The following MOSMO variants were observed in gnomAD, a reference collection of about 807,000 sequenced individuals.
MOSMO encodes modulator of smoothened.
A neutral mutation model predicts 18.4 loss-of-function variants in MOSMO; 5 were observed. The ratio of observed to expected loss-of-function variants is 0.27; its 90% CI spans 0.14 to 0.57. The LOEUF (loss-of-function observed/expected upper bound fraction) is 0.57. MOSMO is among the 20% of genes least tolerant of loss of function. The pLI is 0.92. For missense variants in MOSMO, 138 were observed against 211.8 expected (o/e 0.65, Z 2.16); for synonymous variants, 82 against 82.3 (o/e 1.00, Z 0.02).
chr16:22,055,347 C>T (rs1406763627), intron 1 of MOSMO, among the ~76,000 whole-genome samples: 1 of 152,142 alleles, frequency 6.6e-6, no homozygotes, highest in Non-Finnish European at 1.5e-5. Flanking sequence ...ACATCCACAC[C>T]ACTGTTTCCT....
At chr16:22,036,353 T>TG (rs1416440633) in intron 1 of MOSMO, among the ~76,000 whole-genome samples, 1 of 152,142 alleles carries the variant, frequency 6.6e-6, no homozygotes, top group Non-Finnish European at 1.5e-5. Flanking sequence ...CACAAACTCC[T>TG]GGGCTCAGGA....
At chr16:22,031,286 A>G (rs1481778795) in intron 1 of MOSMO, among the ~76,000 whole-genome samples, 1 of 152,232 alleles carries the variant, frequency 6.6e-6, no homozygotes, top group African/African-American at 2.4e-5. Context: ...GAGGCATCAG[A>G]TGACTCTGGA....
At chr16:22,068,195 AGT>A (rs1281459955) in intron 1 of MOSMO, among the ~76,000 whole-genome samples, 2 of 152,348 alleles carry the variant, frequency 1.3e-5, no homozygotes, top group African/African-American at 2.4e-5. Context: ...TAATTATAAA[AGT>A]GTGTTAGGCT....
intron 1 of MOSMO, among the ~76,000 whole-genome samples, chr16:22,019,059 A>G (rs1899699972): frequency 6.6e-6 from 1 of 152,186 alleles, no homozygotes; most frequent in Non-Finnish European, 1.5e-5. Context: ...GCTGTTATTT[A>G]GACAGCCTCA....
chr16:22,058,245 G>A (rs1900573685), intron 1 of MOSMO, among the ~76,000 whole-genome samples: 2 of 152,010 alleles, frequency 1.3e-5, no homozygotes, highest in South Asian at 4.2e-4. Context: ...AGCCAACATG[G>A]TGAAACCCCA....
chr16:22,009,061 T>C (rs913180188), intron 1 of MOSMO, among the ~76,000 whole-genome samples: 29 of 152,130 alleles, frequency 1.9e-4, no homozygotes, highest in Admixed American at 5.2e-4. Flanking sequence ...TTGGAGCCCC[T>C]CTGCACCGCC....
At position 22,075,689 on chromosome 16, in the gene MOSMO, A is replaced by G; in HGVS notation, c.309A>G (p.Ala103=). ...REATKYARWI[A]FTGMILFCMA... ...CTACAAAATATGCTCGATGGATAGC[A>G]TTCACTGGAAGTAAGTAACCTGTGC... The change falls in exon 2 of 3, where the codon GCA becomes GCG. Residue 103 remains alanine (A), a synonymous_variant. Coordinates refer to ENST00000542527, the MANE Select transcript of MOSMO (RefSeq NM_001164579.2). The G allele has an allele frequency of 2.6e-6, 4 of 1,537,024 alleles. No homozygotes were observed. Among genetic ancestry groups the G allele is most frequent in the Non-Finnish European group, 3.5e-6 (4 of 1,146,764 alleles).
rs1303463359 is a variant in MOSMO, at chr16:22,075,692, C to T, written c.312C>T (p.Phe104=). 1 of 1,536,650 alleles carries T rather than the reference C, an allele frequency of 6.5e-7. No individual in the cohort carries two copies. Among genetic ancestry groups the T allele is most frequent in the Admixed American group, 2.0e-5 (1 of 50,976 alleles). Residue 104 remains phenylalanine (F), a synonymous_variant, in exon 2 of 3, where the codon TTC becomes TTT. Transcript: ENST00000542527. ...CAAAATATGCTCGATGGATAGCATT[C>T]ACTGGAAGTAAGTAACCTGTGCTTA... ...EATKYARWIA[F]TGMILFCMAA...
Position 22,058,976 on chromosome 16 carries a change from T to C in MOSMO, c.107-16511T>C, listed in dbSNP as rs149636157. Among the ~76,000 whole-genome samples, 1,209 of 152,342 alleles carry C rather than the reference T, an allele frequency of 7.9e-3. 9 individuals are homozygous for C. The highest frequency in any genetic ancestry group is 0.012 in the Non-Finnish European group (805 of 68,026). On this transcript the variant is annotated intron_variant, in intron 1 of 2. Transcript: ENST00000542527. ...CTTTGGTGACGTTCTGTATAATTTT[T>C]ATTCTGAACAGACTTTGGTTTTATA... is the stretch of plus-strand genomic sequence containing the variant.
chr16:22,053,962 A>T (rs911297328), intron 1 of MOSMO, among the ~76,000 whole-genome samples: 3 of 152,192 alleles, frequency 2.0e-5, no homozygotes, highest in African/African-American at 7.2e-5. Context: ...AGTTTTAAAA[A>T]TGTGTGTATA....
Position 22,083,170 on chromosome 16 carries a change from C to G in MOSMO, c.*2290C>G, listed in dbSNP as rs1168054727. 6.6e-6 allele frequency: 1 copy of G among 152,178 alleles called. No homozygotes were observed. Among genetic ancestry groups the G allele is most frequent in the Non-Finnish European group, 1.5e-5 (1 of 68,044 alleles). 9.4% of individuals were successfully genotyped at this position (152,178 alleles called of 1,614,324 possible). A position where few individuals can be genotyped will look rare whatever the true frequency, so the allele number is the denominator to read the frequency against. On this transcript the variant is annotated 3_prime_UTR_variant, in exon 3 of 3. Coordinates refer to ENST00000542527, the MANE Select transcript of MOSMO (RefSeq NM_001164579.2). Reference sequence around the variant, plus strand: ...AAATAGTTTCTCAAAATATTTTTAACTGGATCATGAGCATGGGGAGAGAAA... The same window carrying G: ...AAATAGTTTCTCAAAATATTTTTAAGTGGATCATGAGCATGGGGAGAGAAA...
intron 1 of MOSMO, among the ~76,000 whole-genome samples, chr16:22,069,795 G>A (rs946107325): frequency 6.6e-6 from 1 of 152,122 alleles, no homozygotes; most frequent in African/African-American, 2.4e-5. Context: ...CTGGGGGCAC[G>A]GGAGGTTAGA....
intron 1 of MOSMO, among the ~76,000 whole-genome samples, chr16:22,037,624 C>A (rs991114349): frequency 1.3e-5 from 2 of 152,222 alleles, no homozygotes; most frequent in African/African-American, 4.8e-5. Flanking sequence ...TTCTGATCAA[C>A]TGGTTAGAAA....
At chr16:22,080,010 A>G (rs906982232) in intron 2 of MOSMO, among the ~76,000 whole-genome samples, 48 of 152,186 alleles carry the variant, frequency 3.2e-4, no homozygotes, top group African/African-American at 1.1e-3. Flanking sequence ...TCTCAAACTC[A>G]TGACCTCAGG....
intron 1 of MOSMO, among the ~76,000 whole-genome samples, chr16:22,046,697 C>T (rs941364808): frequency 7.2e-5 from 11 of 152,076 alleles, no homozygotes; most frequent in African/African-American, 2.4e-4. Context: ...ATGTGAAAGA[C>T]GTGGCGCTGA....
At chr16:22,047,887 G>A (rs955298705) in intron 1 of MOSMO, among the ~76,000 whole-genome samples, 2 of 152,036 alleles carry the variant, frequency 1.3e-5, no homozygotes, top group East Asian at 1.9e-4. Context: ...TATTCAGTGG[G>A]GCACTCTGGA....
intron 1 of MOSMO, among the ~76,000 whole-genome samples, chr16:22,058,814 A>C (rs532997950): frequency 1.7e-4 from 26 of 152,356 alleles, no homozygotes; most frequent in African/African-American, 5.3e-4. Flanking sequence ...GGAGCTTAAG[A>C]GAGATGTCTT....
intron 1 of MOSMO, among the ~76,000 whole-genome samples, chr16:22,048,342 A>G (rs928957447): frequency 6.6e-6 from 1 of 152,234 alleles, no homozygotes; most frequent in African/African-American, 2.4e-5. Context: ...TTAACACTGT[A>G]TAAGAGTTAA....
At chr16:22,039,236 T>TA (rs1490287858) in intron 1 of MOSMO, among the ~76,000 whole-genome samples, 1 of 152,212 alleles carries the variant, frequency 6.6e-6, no homozygotes, top group African/African-American at 2.4e-5. Flanking sequence ...GGATACATGA[T>TA]ACATGTCAAT....
Sources: gnomAD v4.1 joint callset for allele counts (sites outside exome capture counted in the v4.1 genomes callset) on GRCh38, gnomAD v4.1.1 for gene constraint, MANE v1.5 for transcripts, NCBI Gene and HGNC (gene_info 2026-07-23, HGNC 2026-07-21) for gene names.